COX14: variants seen among roughly 807,000 people sequenced by gnomAD.
COX14 encodes cytochrome c oxidase assembly factor COX14.
Under a neutral mutation model 5.8 loss-of-function variants are expected in COX14, and 3 were observed. The ratio of observed to expected loss-of-function variants is 0.51; its 90% CI spans 0.23 to 1.33. The LOEUF (loss-of-function observed/expected upper bound fraction) is 1.33, where lower values mean the gene tolerates loss of function less well. Ranked by LOEUF, COX14 falls within the 40% of genes most tolerant of loss-of-function variation. COX14 has a pLI of 0.18. For missense variants in COX14, 72 were observed against 72.1 expected, an observed-to-expected ratio of 1.00 and a Z score of 0.01; for synonymous variants, 25 against 26.1, an observed-to-expected ratio of 0.96 and a Z score of 0.13.
At chr12:50,112,994 A>G (rs981030994) in intron 1 of COX14, 18 of 151,738 alleles carry the variant, frequency 1.2e-4, no homozygotes, top group African/African-American at 4.4e-4. Flanking sequence ...GGTGTGCGCC[A>G]CCACGCCCGG....
chr12:50,113,185 T>C (rs1184449982), intron 1 of COX14, among the ~76,000 whole-genome samples: 1 of 151,182 alleles, frequency 6.6e-6, no homozygotes, highest in Non-Finnish European at 1.5e-5. Context: ...GATGTACTAC[T>C]CTCTAAGTGC....
intron 1 of COX14, among the ~76,000 whole-genome samples, chr12:50,114,471 C>G (rs946067224): frequency 1.3e-5 from 2 of 151,984 alleles, no homozygotes; most frequent in African/African-American, 4.8e-5. Context: ...AGGCTGGTCT[C>G]GAGCTCCCAA....
In COX14 at chr12:50,120,227, G is replaced by T. The variant is rs1243874986; in HGVS notation, c.*10G>T. 1.2e-5 allele frequency: 20 copies of T among 1,611,078 alleles called. No homozygotes were observed. The highest frequency in any genetic ancestry group is 1.7e-5 in the Non-Finnish European group (20 of 1,178,936). ...CTCAGGAATCATGTAGAACTGGGGG[G>T]CTTTTTCTCCTGAGCAGAGAGGCCC... On this transcript the variant is annotated 3_prime_UTR_variant, in exon 2 of 2. Transcript: ENST00000550487.
intron 1 of COX14, among the ~76,000 whole-genome samples, chr12:50,116,647 G>A (rs1951082807): frequency 6.6e-6 from 1 of 152,182 alleles, no homozygotes; most frequent in Non-Finnish European, 1.5e-5. Flanking sequence ...ATAAGTGACA[G>A]GGAAGTTGAA....
At chr12:50,113,496 G>T (rs2031358709) in intron 1 of COX14, among the ~76,000 whole-genome samples, 1 of 150,470 alleles carries the variant, frequency 6.6e-6, no homozygotes, top group Non-Finnish European at 1.5e-5. Context: ...GTAGAGATGG[G>T]GTTTCACTGT....
chr12:50,120,055 C>A lies in COX14; in HGVS notation c.12C>A (p.Gly4=), dbSNP rs1380611068. 1 of 1,614,016 alleles carries A rather than the reference C, an allele frequency of 6.2e-7. No individual in the cohort carries two copies. The highest frequency in any genetic ancestry group is 1.6e-4 in the Middle Eastern group (1 of 6,062). Residue 4 remains glycine (G), a synonymous_variant, in exon 2 of 2, where the codon GGC becomes GGA. Transcript: ENST00000550487. ...TTGTAGGGGACAAGATGCCAACTGG[C>A]AAGCAGCTAGCTGACATTGGCTATA... MPT[G]KQLADIGYKT...
At chr12:50,112,484 C>T in intron 1 of COX14, 183 bp downstream of exon 1, 1 of 985,826 alleles carries the variant, frequency 1.0e-6, no homozygotes, top group Non-Finnish European at 1.2e-6. Flanking sequence ...AGCCCAAGCT[C>T]CTCGCAGCAG....
At chr12:50,119,903 A>C in intron 1 of COX14, 133 bp from the exon 2 acceptor site, 2 of 691,046 alleles carry the variant, frequency 2.9e-6, no homozygotes, top group Non-Finnish European at 5.2e-6. Flanking sequence ...CTTTACCTAG[A>C]CATAGGGGCC....
At chr12:50,115,636 C>G (rs1447070184) in intron 1 of COX14, among the ~76,000 whole-genome samples, 1 of 151,090 alleles carries the variant, frequency 6.6e-6, no homozygotes. Flanking sequence ...CACTGCACCT[C>G]TACCTCCTGG....
rs1457733019 is a variant in COX14 at position 50,120,275 on chromosome 12, CACCTG to C, written c.*59_*63del. 3 of 1,412,404 alleles carry C rather than the reference CACCTG, an allele frequency of 2.1e-6. No homozygotes were observed. The highest frequency in any genetic ancestry group is 2.9e-6 in the Non-Finnish European group (3 of 1,023,982). 87.5% of individuals were successfully genotyped at this position (1,412,404 alleles called of 1,614,324 possible). A position where few individuals can be genotyped will look rare whatever the true frequency, so the allele number is the denominator to read the frequency against. Reference sequence around the variant, plus strand: ...CCCAAGGCATGCTGTGGAGAGACTTCACCTGCCACCATTTCCAGGTCAACAGGACT... The same window carrying C: ...CCCAAGGCATGCTGTGGAGAGACTTCCCACCATTTCCAGGTCAACAGGACT... On this transcript the variant is annotated 3_prime_UTR_variant, in exon 2 of 2. Transcript: ENST00000550487.
chr12:50,118,403 G>C (rs978685288), intron 1 of COX14: 4 of 984,484 alleles, frequency 4.1e-6, no homozygotes, highest in African/African-American at 1.7e-5. Context: ...GTCAGTCTTC[G>C]TGCAGCTTGC....
At chr12:50,112,580 C>A in intron 1 of COX14, 1 of 623,118 alleles carries the variant, frequency 1.6e-6, no homozygotes, top group Non-Finnish European at 2.0e-6. Flanking sequence ...TCCAACTCTG[C>A]CTCTTCCTTG....
chr12:50,119,828 C>T (rs1027556995), intron 1 of COX14, among the ~76,000 whole-genome samples: 2 of 152,174 alleles, frequency 1.3e-5, no homozygotes, highest in Non-Finnish European at 2.9e-5. Flanking sequence ...ATCTTGTAGG[C>T]ACATTTTATT....
intron 1 of COX14, among the ~76,000 whole-genome samples, chr12:50,114,109 C>T (rs1366246018): frequency 6.6e-6 from 1 of 150,426 alleles, no homozygotes; most frequent in African/African-American, 2.5e-5. Flanking sequence ...AGCTATGGTT[C>T]TCAATTTTTA....
At chr12:50,114,084 C>T (rs556825412) in intron 1 of COX14, among the ~76,000 whole-genome samples, 76 of 152,100 alleles carry the variant, frequency 5.0e-4, no homozygotes, top group Admixed American at 1.5e-3. Context: ...ACTGCAGGTG[C>T]ATGTCACCAC....
chr12:50,115,793 C>G (rs1051114008), intron 1 of COX14, among the ~76,000 whole-genome samples: 1 of 151,916 alleles, frequency 6.6e-6, no homozygotes, highest in Non-Finnish European at 1.5e-5. Context: ...CTCAACGATC[C>G]GTCTGTCTTT....
chr12:50,115,200 C>G (rs1471771412), intron 1 of COX14, among the ~76,000 whole-genome samples: 2 of 151,368 alleles, frequency 1.3e-5, no homozygotes, highest in African/African-American at 4.9e-5. Context: ...AGCCACCATG[C>G]CTGGCTGAGC....
At chr12:50,114,699 G>A (rs1951063013) in intron 1 of COX14, among the ~76,000 whole-genome samples, 1 of 148,280 alleles carries the variant, frequency 6.7e-6, no homozygotes, top group Non-Finnish European at 1.5e-5. Flanking sequence ...CTTCTAAGCT[G>A]TATCTATCTA....
intron 1 of COX14, chr12:50,118,405 G>A: frequency 1.0e-6 from 1 of 984,662 alleles, no homozygotes; most frequent in Non-Finnish European, 1.2e-6. Context: ...CAGTCTTCGT[G>A]CAGCTTGCAC....
Sources: allele counts gnomAD v4.1 joint callset (sites outside exome capture counted in the v4.1 genomes callset), GRCh38; gene constraint gnomAD v4.1.1; transcripts MANE v1.5; gene names NCBI Gene and HGNC (gene_info 2026-07-23, HGNC 2026-07-21).